CFAP61: variants seen among roughly 807,000 people sequenced by gnomAD.
CFAP61 encodes cilia and flagella associated protein 61, also known as cilia- and flagella-associated protein 61.
A neutral mutation model predicts 135.6 loss-of-function variants in CFAP61; 107 were observed. That is an observed-to-expected ratio of 0.79 (90% CI 0.67 to 0.93). CFAP61 has a LOEUF of 0.93. Among genes scored for constraint, CFAP61 ranks in the 40% least tolerant of loss-of-function variants. The probability of loss-of-function intolerance (pLI) is 0.00; values close to 1 mark genes in which losing one functional copy is unlikely to be tolerated. For missense variants in CFAP61, 1,507 were observed against 1,556.2 expected (o/e 0.97, Z 0.53); for synonymous variants, 575 against 578.5 (o/e 0.99, Z 0.09).
At chr20:20,297,457 G>A (rs1424319116) in intron 24 of CFAP61, among the ~76,000 whole-genome samples, 1 of 152,214 alleles carries the variant, frequency 6.6e-6, no homozygotes, top group Non-Finnish European at 1.5e-5. Flanking sequence ...CCCACTGCCT[G>A]AGCCAGTGGG....
chr20:20,251,793 C>T (rs965104902), intron 20 of CFAP61, 30 bp downstream of exon 20: 3 of 1,608,718 alleles, frequency 1.9e-6, no homozygotes, highest in Non-Finnish European at 1.7e-6. Context: ...GCGCAAGCCA[C>T]GTGTCTGGAG....
chr20:20,257,118 C>T (rs1486086976), intron 20 of CFAP61, among the ~76,000 whole-genome samples: 1 of 152,160 alleles, frequency 6.6e-6, no homozygotes, highest in East Asian at 1.9e-4. Flanking sequence ...ATTTTTATCT[C>T]CAGCATTAAA....
rs2058266449 is a variant in CFAP61, at chr20:20,337,542, G to GTGGA, written c.3423-4255_3423-4252dup. Among the ~76,000 whole-genome samples, 3 of 116,734 alleles carry GTGGA rather than the reference G, an allele frequency of 2.6e-5. 1 individual carries two copies. The highest frequency in any genetic ancestry group is 1.7e-5 in the Non-Finnish European group (1 of 58,488). 76.6% of individuals were successfully genotyped at this position (116,734 alleles called of 152,430 possible). ...GATGGATGGATGGATAGATGGGTGG[G>GTGGA]TGGATGGATGGATGGATGGATGGAT... On this transcript the variant is annotated intron_variant, in intron 25 of 26. Transcript: ENST00000245957.
chr20:20,236,623 T>C (rs1014231825), intron 18 of CFAP61, among the ~76,000 whole-genome samples: 4 of 152,208 alleles, frequency 2.6e-5, no homozygotes, highest in Non-Finnish European at 5.9e-5. Flanking sequence ...CGAAGTCTCA[T>C]GCTTAAACTA....
intron 6 of CFAP61, among the ~76,000 whole-genome samples, chr20:20,083,724 C>T (rs934172221): frequency 3.9e-5 from 6 of 152,050 alleles, no homozygotes; most frequent in Non-Finnish European, 8.8e-5. Flanking sequence ...AGATTTCCCC[C>T]AACAATCTTC....
intron 25 of CFAP61, among the ~76,000 whole-genome samples, chr20:20,338,738 C>T (rs755936712): frequency 3.3e-5 from 5 of 152,248 alleles, no homozygotes; most frequent in Non-Finnish European, 1.5e-5. Flanking sequence ...CCTCAGCCTT[C>T]AGCGTGTCTA....
At chr20:20,080,064 T>C (rs2046327666) in intron 6 of CFAP61, among the ~76,000 whole-genome samples, 2 of 152,238 alleles carry the variant, frequency 1.3e-5, no homozygotes, top group Admixed American at 1.3e-4. Flanking sequence ...ATATTCATTT[T>C]AAAATCTCTC....
At chr20:20,212,005 G>A (rs1057384527) in intron 17 of CFAP61, among the ~76,000 whole-genome samples, 4 of 152,176 alleles carry the variant, frequency 2.6e-5, no homozygotes, top group African/African-American at 9.7e-5. Context: ...AATCACAGTT[G>A]AGCAGGTCCC....
At chr20:20,152,517 T>A (rs2052537887) in intron 9 of CFAP61, among the ~76,000 whole-genome samples, 1 of 152,064 alleles carries the variant, frequency 6.6e-6, no homozygotes, top group Non-Finnish European at 1.5e-5. Context: ...TTGCAGTCAA[T>A]GGGTGGAAAA....
In CFAP61 at chr20:20,251,763, G is replaced by C; in HGVS notation, c.2328G>C (p.Gln776His). The C allele has an allele frequency of 6.2e-7, 1 of 1,613,144 alleles. No homozygotes were observed. The highest frequency in any genetic ancestry group is 1.1e-5 in the South Asian group (1 of 91,072). The change falls in exon 20 of 27, where the codon CAG becomes CAC. Residue 776 changes from glutamine to histidine, a missense_variant and splice_region_variant. By Grantham distance (24) the Gln-to-His change is conservative (BLOSUM62 0). Transcript: ENST00000245957. ...HLILCTGQQY[Q>H]VPCPTEADIS... ...TCCTCTGCACCGGGCAGCAGTACCA[G>C]GTAAGGCCGGGCACAGGGGGCGCAA...
chr20:20,138,020 A>G (rs566133706), intron 8 of CFAP61, among the ~76,000 whole-genome samples: 104 of 152,198 alleles, frequency 6.8e-4, no homozygotes, highest in African/African-American at 2.4e-3. Flanking sequence ...CTTCCCTTCC[A>G]GTCCAGGGTG....
At position 20,320,374 on chromosome 20, in the gene CFAP61, T is replaced by A. The variant is rs117097236; in HGVS notation, c.3423-21457T>A. 5.9e-4 allele frequency among the ~76,000 whole-genome samples: 4 copies of A among 6,826 alleles called. 1 individual carries two copies. In the South Asian group the frequency reaches 0.013, roughly 22 times the overall value. 4.5% of individuals were successfully genotyped at this position (6,826 alleles called of 152,430 possible). ...TATATATAATATATGTAATATATATTATATATATGTAATATATATAATATA... is the reference window on the plus strand; with the variant it reads ...TATATATAATATATGTAATATATATAATATATATGTAATATATATAATATA... On this transcript the variant is annotated intron_variant, in intron 25 of 26. Transcript: ENST00000245957.
intron 7 of CFAP61, among the ~76,000 whole-genome samples, chr20:20,091,349 A>T: frequency 6.6e-6 from 1 of 152,048 alleles, no homozygotes; most frequent in South Asian, 2.1e-4. Context: ...TTGGAAAGGT[A>T]TTTTTTTTAA....
intron 20 of CFAP61, chr20:20,253,783 C>T (rs573671760): frequency 3.5e-4 from 80 of 228,792 alleles, no homozygotes; most frequent in African/African-American, 1.6e-3. Flanking sequence ...TCAATGAACA[C>T]GAAGATTTGA....
At chr20:20,103,739 G>C (rs940423972) in intron 8 of CFAP61, among the ~76,000 whole-genome samples, 1 of 152,160 alleles carries the variant, frequency 6.6e-6, no homozygotes. Flanking sequence ...GGCCCTGCCT[G>C]GTGTTTGCAA....
At chr20:20,094,605 G>A (rs1476751574) in intron 7 of CFAP61, 1 of 152,244 alleles carries the variant, frequency 6.6e-6, no homozygotes, top group African/African-American at 2.4e-5. Context: ...AAACATCAGA[G>A]CAAAGCTGTA....
intron 25 of CFAP61, among the ~76,000 whole-genome samples, chr20:20,333,665 G>A (rs189103046): frequency 1.3e-5 from 2 of 152,236 alleles, no homozygotes; most frequent in African/African-American, 2.4e-5. Flanking sequence ...AGCTGTTCCC[G>A]GGCTGAGTGT....
intron 26 of CFAP61, among the ~76,000 whole-genome samples, chr20:20,344,052 GAAAAAAATCTCCACTGGAGGATTTTTCT>G (rs2058547662): frequency 6.6e-6 from 1 of 152,168 alleles, no homozygotes; most frequent in Non-Finnish European, 1.5e-5. Flanking sequence ...ACCTCCGGAA[GAAAAAAATCTCCACTGGAGGATTTTTCT>G]ATTTGCAGCA....
At chr20:20,231,101 C>G (rs919964219) in intron 18 of CFAP61, among the ~76,000 whole-genome samples, 4 of 152,182 alleles carry the variant, frequency 2.6e-5, no homozygotes, top group Non-Finnish European at 5.9e-5. Context: ...CTTTCTTCCC[C>G]AAGTGCTGAG....
Sources: allele counts gnomAD v4.1 joint callset (sites outside exome capture counted in the v4.1 genomes callset), GRCh38; gene constraint gnomAD v4.1.1; transcripts MANE v1.5; gene names NCBI Gene and HGNC (gene_info 2026-07-23, HGNC 2026-07-21).